Variants in CACHD1 observed in about 807,000 individuals in gnomAD.
The protein encoded by CACHD1 is cache domain containing 1.
Under a neutral mutation model 138.7 loss-of-function variants are expected in CACHD1, and 71 were observed. The observed-to-expected ratio is 0.51, with a 90% CI of 0.42 to 0.62. The LOEUF (loss-of-function observed/expected upper bound fraction) is 0.62. Among genes scored for constraint, CACHD1 ranks in the 20% least tolerant of loss-of-function variants. CACHD1 has a pLI of 0.00. For synonymous variants in CACHD1, 578 were observed against 591.5 expected (o/e 0.98, Z 0.33); for missense variants, 1,389 against 1,625.3 (o/e 0.85, Z 2.50).
At chr1:64,598,715 G>A (rs1214117017) in intron 3 of CACHD1, among the ~76,000 whole-genome samples, 1 of 152,046 alleles carries the variant, frequency 6.6e-6, no homozygotes, top group East Asian at 1.9e-4. Flanking sequence ...TCAACCCCAT[G>A]TAACTGTAAC....
At chr1:64,672,163 C>G (rs970233759) in intron 17 of CACHD1, among the ~76,000 whole-genome samples, 2 of 152,180 alleles carry the variant, frequency 1.3e-5, no homozygotes, top group African/African-American at 4.8e-5. Flanking sequence ...CTGATCAAAG[C>G]AAGGGCATAC....
At chr1:64,543,115 T>C (rs1646690102) in intron 1 of CACHD1, among the ~76,000 whole-genome samples, 1 of 152,040 alleles carries the variant, frequency 6.6e-6, no homozygotes, top group Non-Finnish European at 1.5e-5. Flanking sequence ...ATGTTTTTGA[T>C]TGGATGAAGA....
chr1:64,643,294 C>T (rs923446367), intron 8 of CACHD1, among the ~76,000 whole-genome samples: 5 of 151,990 alleles, frequency 3.3e-5, no homozygotes, highest in Non-Finnish European at 7.4e-5. Context: ...ACTTTTTGGC[C>T]AGGGTGATTC....
chr1:64,525,707 C>A (rs149309793), intron 1 of CACHD1, among the ~76,000 whole-genome samples: 92 of 152,294 alleles, frequency 6.0e-4, no homozygotes, highest in Non-Finnish European at 1.0e-3. Flanking sequence ...GGTTAGATTT[C>A]TCTATAGACA....
chr1:64,624,476 A>C (rs1648030417), intron 4 of CACHD1, among the ~76,000 whole-genome samples: 3 of 152,192 alleles, frequency 2.0e-5, no homozygotes. Flanking sequence ...AGGGGTTGGC[A>C]GGGCTGTCTG....
At chr1:64,632,474 C>T in intron 5 of CACHD1, 125 bp from the exon 6 acceptor site, 1 of 941,148 alleles carries the variant, frequency 1.1e-6, no homozygotes, top group South Asian at 1.6e-5. Context: ...TTTCTCCATC[C>T]TTGTGCCATC....
At chr1:64,525,629 T>G (rs1486359492) in intron 1 of CACHD1, among the ~76,000 whole-genome samples, 1 of 152,170 alleles carries the variant, frequency 6.6e-6, no homozygotes, top group African/African-American at 2.4e-5. Context: ...TGGGTGGCAT[T>G]TCAGTATTTT....
At chr1:64,636,729 TTTTGA>T (rs1648537572) in intron 7 of CACHD1, among the ~76,000 whole-genome samples, 1 of 152,180 alleles carries the variant, frequency 6.6e-6, no homozygotes, top group African/African-American at 2.4e-5. Context: ...CCACTTTCCC[TTTTGA>T]TTTATTTAAT....
At chr1:64,632,887 C>T in intron 6 of CACHD1, 144 bp downstream of exon 6, 4 of 992,482 alleles carry the variant, frequency 4.0e-6, no homozygotes, top group Non-Finnish European at 4.4e-6. Context: ...GTTGAAAATG[C>T]ATTTAATACA....
intron 1 of CACHD1, among the ~76,000 whole-genome samples, chr1:64,481,086 T>G (rs1646209118): frequency 6.6e-6 from 1 of 152,194 alleles, no homozygotes; most frequent in Non-Finnish European, 1.5e-5. Flanking sequence ...TTTGAAAAGT[T>G]CCAACACCTA....
intron 1 of CACHD1, among the ~76,000 whole-genome samples, chr1:64,482,104 G>A: frequency 6.6e-6 from 1 of 152,088 alleles, no homozygotes; most frequent in African/African-American, 2.4e-5. Flanking sequence ...TGTATTACTG[G>A]TAGCATATGT....
chr1:64,543,411 A>ATATATG (rs955074249), intron 1 of CACHD1, among the ~76,000 whole-genome samples: 5 of 144,236 alleles, frequency 3.5e-5, no homozygotes, highest in African/African-American at 1.3e-4. Flanking sequence ...ACATATATAT[A>ATATATG]TATATATATA....
intron 2 of CACHD1, among the ~76,000 whole-genome samples, chr1:64,554,188 T>G (rs764617281): frequency 6.6e-6 from 1 of 152,194 alleles, no homozygotes; most frequent in Non-Finnish European, 1.5e-5. Flanking sequence ...CACCACTAAA[T>G]CTGGCTAATT....
intron 2 of CACHD1, among the ~76,000 whole-genome samples, chr1:64,578,582 C>T (rs1385938236): frequency 6.6e-6 from 1 of 152,180 alleles, no homozygotes; most frequent in Non-Finnish European, 1.5e-5. Context: ...GCAAGGATGG[C>T]TTATCTCTGC....
At chr1:64,478,975 T>TA (rs76928740) in intron 1 of CACHD1, among the ~76,000 whole-genome samples, 321 of 136,532 alleles carry the variant, frequency 2.4e-3, no homozygotes, top group Non-Finnish European at 2.9e-3. Flanking sequence ...TAATTCAGTT[T>TA]AAAAAAAAAA....
chr1:64,614,941 A>G (rs915783252), intron 4 of CACHD1, among the ~76,000 whole-genome samples: 1 of 152,092 alleles, frequency 6.6e-6, no homozygotes, highest in Non-Finnish European at 1.5e-5. Context: ...TCTCCTCTGT[A>G]ACTGCATTTC....
At chr1:64,611,232 G>A (rs1297601489) in intron 4 of CACHD1, among the ~76,000 whole-genome samples, 1 of 152,150 alleles carries the variant, frequency 6.6e-6, no homozygotes, top group Non-Finnish European at 1.5e-5. Context: ...GACATGCCCT[G>A]GAGACATTTT....
intron 1 of CACHD1, among the ~76,000 whole-genome samples, chr1:64,486,494 G>C (rs1253205437): frequency 2.0e-5 from 3 of 151,906 alleles, no homozygotes; most frequent in African/African-American, 7.3e-5. Flanking sequence ...ATTTTCTTTC[G>C]AGTGACATTG....
At chr1:64,608,093 A>G (rs1187253809) in intron 4 of CACHD1, among the ~76,000 whole-genome samples, 1 of 152,188 alleles carries the variant, frequency 6.6e-6, no homozygotes, top group Non-Finnish European at 1.5e-5. Context: ...TTCTGTGAGC[A>G]TGTCTCAAGT....
Sources: gnomAD v4.1 joint callset for allele counts (sites outside exome capture counted in the v4.1 genomes callset) on GRCh38, gnomAD v4.1.1 for gene constraint, MANE v1.5 for transcripts, NCBI Gene and HGNC (gene_info 2026-07-23, HGNC 2026-07-21) for gene names.